Variants in CYRIB observed in about 807,000 individuals in gnomAD.
CYRIB encodes the protein CYFIP related Rac1 interactor B, also known as CYFIP-related Rac1 interactor B.
CYRIB carries 8 observed loss-of-function variants against 44.2 expected under a neutral mutation model. The ratio of observed to expected loss-of-function variants is 0.18; its 90% CI spans 0.11 to 0.33. The LOEUF is 0.33. CYRIB is among the 10% of genes least tolerant of loss of function. The pLI is 1.00. For synonymous variants in CYRIB, 131 were observed against 127.2 expected (o/e 1.03, Z -0.20); for missense variants, 185 against 382.8 (o/e 0.48, Z 4.31).
At chr8:129,876,741 C>T (rs1046606800) in intron 3 of CYRIB, among the ~76,000 whole-genome samples, 2 of 152,010 alleles carry the variant, frequency 1.3e-5, no homozygotes, top group East Asian at 3.8e-4. Flanking sequence ...TATTGGGTCA[C>T]CCAACTGCAG....
chr8:129,900,901 T>C (rs1440930346), intron 2 of CYRIB, among the ~76,000 whole-genome samples: 1 of 152,220 alleles, frequency 6.6e-6, no homozygotes, highest in Non-Finnish European at 1.5e-5. Context: ...CTTGAACTCC[T>C]GGCCTCAAGT....
At chr8:129,976,862 CAA>C (rs532693868) in intron 1 of CYRIB, among the ~76,000 whole-genome samples, 17 of 151,492 alleles carry the variant, frequency 1.1e-4, no homozygotes, top group South Asian at 6.3e-4. Flanking sequence ...TTAATTGAGA[CAA>C]AGAGTCTGGC....
chr8:129,960,375 A>ACC (rs1289542972), intron 2 of CYRIB, among the ~76,000 whole-genome samples: 5 of 152,092 alleles, frequency 3.3e-5, no homozygotes, highest in Non-Finnish European at 5.9e-5. Flanking sequence ...TGGGTGGATC[A>ACC]CCTGAGGTCA....
intron 2 of CYRIB, chr8:129,890,645 C>A (rs2064956768): frequency 6.6e-6 from 1 of 152,194 alleles, no homozygotes; most frequent in African/African-American, 2.4e-5. Context: ...GTAATCCCAG[C>A]ACTTTGGGAG....
intron 5 of CYRIB, 60 bp from the exon 8 acceptor site, chr8:129,855,807 TA>T: frequency 6.9e-7 from 1 of 1,458,838 alleles, no homozygotes; most frequent in South Asian, 1.3e-5. Flanking sequence ...ATTTGTTTAT[TA>T]AAAAGTGAAC....
intron 3 of CYRIB, among the ~76,000 whole-genome samples, chr8:129,875,726 A>G (rs1438124839): frequency 1.3e-5 from 2 of 152,230 alleles, no homozygotes; most frequent in African/African-American, 4.8e-5. Context: ...GTCTCTGTCC[A>G]TGTTGTTCCT....
In CYRIB at chr8:129,982,316, A is replaced by G. The variant is rs75509464; in HGVS notation, c.-295-11321T>C. Among the ~76,000 whole-genome samples the G allele has an allele frequency of 1.5e-3, 225 of 152,334 alleles. 1 individual carries two copies. The highest frequency in any genetic ancestry group is 5.3e-3 in the African/African-American group (222 of 41,568). ...AAGATGATCTCTGTCTGAACTATCC[A>G]ATACCTTAGCTTGGGCCACATGTGG... On this transcript the variant is annotated intron_variant, in intron 1 of 14. Coordinates refer to the CYRIB transcript ENST00000401979.
At chr8:129,936,986 C>A (rs188880122) in intron 1 of CYRIB, among the ~76,000 whole-genome samples, 186 of 152,168 alleles carry the variant, frequency 1.2e-3, no homozygotes, top group Non-Finnish European at 2.2e-3. Flanking sequence ...GGATTACAGG[C>A]GTGAGCCACT....
exon 8 of CYRIB, chr8:129,852,202 A>G: frequency 6.4e-7 from 1 of 1,566,314 alleles, no homozygotes; most frequent in Non-Finnish European, 8.7e-7. Context: ...CAAGGTTTTC[A>G]GCATTGGAGT....
At chr8:129,856,527 T>C (rs2046295729) in intron 5 of CYRIB, among the ~76,000 whole-genome samples, 1 of 152,184 alleles carries the variant, frequency 6.6e-6, no homozygotes, top group African/African-American at 2.4e-5. Context: ...AAAATGCTGC[T>C]AGATTCTGGT....
At chr8:130,007,367 A>G (rs59274198) in intron 1 of CYRIB, among the ~76,000 whole-genome samples, 9,775 of 152,290 alleles carry the variant, frequency 0.064, 1,014 homozygotes, top group African/African-American at 0.22. Context: ...CTGGCCTGGT[A>G]TGTTTGAATT....
At chr8:129,846,058 G>C (rs2039795185) in intron 11 of CYRIB, among the ~76,000 whole-genome samples, 1 of 152,198 alleles carries the variant, frequency 6.6e-6, no homozygotes, top group Admixed American at 6.5e-5. Flanking sequence ...CTTGAACCTG[G>C]GAGGCCGAGG....
intron 1 of CYRIB, among the ~76,000 whole-genome samples, chr8:129,999,866 C>T (rs150502308): frequency 3.9e-5 from 6 of 152,142 alleles, no homozygotes; most frequent in Non-Finnish European, 1.5e-5. Context: ...TGGGCTCAAG[C>T]GATCCTCCCG....
chr8:129,961,060 G>A (rs1332273014), intron 2 of CYRIB, among the ~76,000 whole-genome samples: 4 of 152,074 alleles, frequency 2.6e-5, no homozygotes, highest in African/African-American at 9.7e-5. Context: ...TGGATCAAAG[G>A]AGGGTCAAGA....
At chr8:130,006,154 T>A (rs2097056553) in intron 1 of CYRIB, among the ~76,000 whole-genome samples, 1 of 151,378 alleles carries the variant, frequency 6.6e-6, no homozygotes, top group Non-Finnish European at 1.5e-5. Context: ...AATACAAAAA[T>A]TAGCCGGGCA....
intron 11 of CYRIB, chr8:129,844,273 C>T (rs985020729): frequency 3.3e-5 from 5 of 152,190 alleles, no homozygotes; most frequent in Admixed American, 6.5e-5. Context: ...CGCAAGTTCT[C>T]GCTCCTTCTG....
chr8:129,975,100 C>T (rs1000804466), intron 1 of CYRIB, among the ~76,000 whole-genome samples: 4 of 152,052 alleles, frequency 2.6e-5, no homozygotes, highest in Admixed American at 6.5e-5. Flanking sequence ...AGGCTGGTCT[C>T]GAACGCCTGA....
At chr8:129,936,031 A>G (rs1483179286) in intron 1 of CYRIB, among the ~76,000 whole-genome samples, 4 of 152,376 alleles carry the variant, frequency 2.6e-5, no homozygotes, top group Non-Finnish European at 5.9e-5. Flanking sequence ...TATAGCTGTC[A>G]ATCCTGTATA....
chr8:129,869,334 T>C (rs2055832105), intron 4 of CYRIB, among the ~76,000 whole-genome samples: 1 of 148,864 alleles, frequency 6.7e-6, no homozygotes, highest in African/African-American at 2.5e-5. Flanking sequence ...TGAGCCGAGA[T>C]TGTGCCACTG....
Sources: allele counts gnomAD v4.1 joint callset (sites outside exome capture counted in the v4.1 genomes callset), GRCh38; gene constraint gnomAD v4.1.1; transcripts MANE v1.5; gene names NCBI Gene and HGNC (gene_info 2026-07-23, HGNC 2026-07-21).